Variants in SOX6 observed in about 807,000 individuals in gnomAD.
SOX6 encodes the protein transcription factor SOX-6.
Under a neutral mutation model 97.8 loss-of-function variants are expected in SOX6, and 11 were observed. The ratio of observed to expected loss-of-function variants is 0.11; its 90% CI spans 0.07 to 0.19. The LOEUF is 0.19. SOX6 is among the 10% of genes least tolerant of loss of function. The probability of loss-of-function intolerance (pLI) is 1.00; values close to 1 mark genes in which losing one functional copy is unlikely to be tolerated. For missense variants in SOX6, 810 were observed against 1,039.5 expected (o/e 0.78, Z 3.04); for synonymous variants, 360 against 371.4 (o/e 0.97, Z 0.35).
chr11:16,590,745 A>G (rs892201863), intron 4 of SOX6, among the ~76,000 whole-genome samples: 4 of 152,102 alleles, frequency 2.6e-5, no homozygotes, highest in Non-Finnish European at 5.9e-5. Flanking sequence ...GCTTAAAAAA[A>G]AAATTAAAAC....
chr11:16,062,434 T>C (rs1378830043), intron 9 of SOX6, among the ~76,000 whole-genome samples: 2 of 151,706 alleles, frequency 1.3e-5, no homozygotes, highest in African/African-American at 4.8e-5. Flanking sequence ...TTCACAGTCA[T>C]AATGATTATA....
intron 1 of SOX6, among the ~76,000 whole-genome samples, chr11:16,428,546 C>T (rs61469208): frequency 0.034 from 5,148 of 152,216 alleles, 259 homozygotes; most frequent in African/African-American, 0.11. Context: ...CTATATATGG[C>T]TAGCCAGTTT....
intron 12 of SOX6, among the ~76,000 whole-genome samples, chr11:16,020,322 C>T (rs955495220): frequency 1.3e-5 from 2 of 152,062 alleles, no homozygotes; most frequent in South Asian, 2.1e-4. Context: ...ACCTATCTCA[C>T]TGCTGCAGCC....
At chr11:16,473,239 T>G (rs1458318840) in intron 1 of SOX6, among the ~76,000 whole-genome samples, 3 of 152,210 alleles carry the variant, frequency 2.0e-5, no homozygotes, top group Non-Finnish European at 4.4e-5. Flanking sequence ...TATTGCAGGT[T>G]TGGTCCAGAC....
At chr11:16,518,537 A>C (rs1452623383) in intron 4 of SOX6, among the ~76,000 whole-genome samples, 1 of 152,168 alleles carries the variant, frequency 6.6e-6, no homozygotes, top group Non-Finnish European at 1.5e-5. Flanking sequence ...TGTCTTATTT[A>C]TTTTAATTAC....
chr11:16,214,461 A>G (rs561833291), intron 4 of SOX6, among the ~76,000 whole-genome samples: 2 of 152,278 alleles, frequency 1.3e-5, no homozygotes, highest in South Asian at 4.1e-4. Context: ...CTTGTTATCT[A>G]ATGCACAGGT....
At chr11:16,408,435 C>A (rs1404196799) in intron 1 of SOX6, among the ~76,000 whole-genome samples, 6 of 152,262 alleles carry the variant, frequency 3.9e-5, no homozygotes, top group African/African-American at 1.4e-4. Flanking sequence ...TATCATTTCA[C>A]ACATATATAT....
At chr11:16,516,916 G>T (rs374306775) in intron 4 of SOX6, among the ~76,000 whole-genome samples, 4,358 of 147,766 alleles carry the variant, frequency 0.029, 137 homozygotes, top group South Asian at 0.061. Flanking sequence ...GAACATTGAT[G>T]CAAAAATCCT....
chr11:16,004,446 CT>C (rs1302002171), intron 13 of SOX6, among the ~76,000 whole-genome samples: 1 of 151,922 alleles, frequency 6.6e-6, no homozygotes, highest in African/African-American at 2.4e-5. Flanking sequence ...TCTGGGGAAT[CT>C]GTATTTCATT....
At chr11:16,094,590 G>C (rs1848755733) in intron 9 of SOX6, among the ~76,000 whole-genome samples, 1 of 151,922 alleles carries the variant, frequency 6.6e-6, no homozygotes, top group African/African-American at 2.4e-5. Context: ...CAAGCTGACT[G>C]TCCTGAGTAG....
intron 12 of SOX6, among the ~76,000 whole-genome samples, chr11:16,021,873 G>C (rs769165367): frequency 6.6e-6 from 1 of 152,022 alleles, no homozygotes; most frequent in Non-Finnish European, 1.5e-5. Context: ...TTTCCAATGA[G>C]TACTTCCTTT....
At chr11:16,692,934 A>T (rs949156488) in intron 3 of SOX6, among the ~76,000 whole-genome samples, 2 of 152,184 alleles carry the variant, frequency 1.3e-5, no homozygotes, top group Admixed American at 6.5e-5. Context: ...TGATGTTTTT[A>T]AATGTTAGTA....
intron 4 of SOX6, among the ~76,000 whole-genome samples, chr11:16,583,603 GTATATATATACATATA>G (rs1172275643): frequency 4.4e-5 from 1 of 22,672 alleles, no homozygotes; most frequent in Non-Finnish European, 8.1e-5. Flanking sequence ...GTATATATGT[GTATATATATACATATA>G]TATATATATA....
intron 1 of SOX6, among the ~76,000 whole-genome samples, chr11:16,441,072 TA>T (rs1384577818): frequency 6.6e-6 from 1 of 152,206 alleles, no homozygotes; most frequent in East Asian, 1.9e-4. Context: ...TACAGCCCAC[TA>T]ATACTATAGC....
At chr11:16,628,132 T>A (rs552646810) in intron 3 of SOX6, among the ~76,000 whole-genome samples, 1 of 152,344 alleles carries the variant, frequency 6.6e-6, no homozygotes, top group African/African-American at 2.4e-5. Context: ...CTGAGTTCTC[T>A]ATTTTGTTCC....
At chr11:16,103,966 A>G (rs1380574582) in intron 7 of SOX6, among the ~76,000 whole-genome samples, 2 of 151,936 alleles carry the variant, frequency 1.3e-5, no homozygotes, top group Non-Finnish European at 2.9e-5. Flanking sequence ...AGAAATCACC[A>G]CTATTGACAT....
intron 4 of SOX6, among the ~76,000 whole-genome samples, chr11:16,519,669 A>G (rs544754721): frequency 6.6e-6 from 1 of 152,288 alleles, no homozygotes; most frequent in Admixed American, 6.5e-5. Context: ...ACAGATGAGT[A>G]CAGGTGTCTT....
intron 4 of SOX6, among the ~76,000 whole-genome samples, chr11:16,207,020 A>C (rs920017901): frequency 1.3e-5 from 2 of 152,102 alleles, no homozygotes; most frequent in African/African-American, 4.8e-5. Context: ...TGACATCCAA[A>C]TTTAGCACAC....
At chr11:16,452,106 G>A (rs1259926862) in intron 1 of SOX6, among the ~76,000 whole-genome samples, 1 of 152,184 alleles carries the variant, frequency 6.6e-6, no homozygotes, top group Non-Finnish European at 1.5e-5. Flanking sequence ...TAAAGTTGTA[G>A]TGGGATATAT....
Sources: allele counts gnomAD v4.1 joint callset (sites outside exome capture counted in the v4.1 genomes callset), GRCh38; gene constraint gnomAD v4.1.1; transcripts MANE v1.5; gene names NCBI Gene and HGNC (gene_info 2026-07-23, HGNC 2026-07-21).